The following EDEM3 variants were observed in gnomAD, a reference collection of about 807,000 sequenced individuals.
EDEM3 encodes ER degradation-enhancing alpha-mannosidase-like protein 3.
EDEM3 carries 60 observed loss-of-function variants against 110.2 expected under a neutral mutation model. That is an observed-to-expected ratio of 0.54 (90% CI 0.44 to 0.67). EDEM3 has a LOEUF of 0.67. Ranked by LOEUF, EDEM3 falls within the 30% of genes least tolerant of loss-of-function variation. The pLI is 0.00. For missense variants in EDEM3, 996 were observed against 1,121.0 expected (o/e 0.89, Z 1.59); for synonymous variants, 352 against 382.9 (o/e 0.92, Z 0.94).
Position 184,719,975 on chromosome 1 carries a change from G to A in EDEM3, c.952-407C>T, listed in dbSNP as rs141492126. 2.4e-3 allele frequency among the ~76,000 whole-genome samples: 366 copies of A among 152,220 alleles called. 3 individuals are homozygous for A. The highest frequency in any genetic ancestry group is 8.6e-3 in the African/African-American group (358 of 41,528). Reference sequence around the variant, plus strand: ...TATCTTGGAAGTTTGATCCCTTCTCGGCTAACAATATTTTGGTGCTCACTA... The same window carrying A: ...TATCTTGGAAGTTTGATCCCTTCTCAGCTAACAATATTTTGGTGCTCACTA... On this transcript the variant is annotated intron_variant, in intron 9 of 19. Transcript: ENST00000318130.
intron 19 of EDEM3, chr1:184,701,585 C>A: frequency 1.6e-6 from 2 of 1,227,648 alleles, no homozygotes; most frequent in African/African-American, 1.6e-5. Flanking sequence ...GGAAAAAAAG[C>A]AAATGCATTA....
In EDEM3 at chr1:184,726,239, A is replaced by G. The variant is rs1305362555; in HGVS notation, c.747+16T>C. 6.2e-7 allele frequency: 1 copy of G among 1,612,150 alleles called. No individual in the cohort carries two copies. The highest frequency in any genetic ancestry group is 1.1e-5 in the South Asian group (1 of 90,762). On this transcript the variant is annotated intron_variant, in intron 7 of 19. Transcript: ENST00000318130. ...ATGCCCAATACCCAGGATATCAAAG[A>G]CCGTAAAAAGCAAACCTCAAATATT...
Position 184,719,180 on chromosome 1 carries a change from T to C in EDEM3, c.1143A>G (p.Lys381=). 6.4e-7 allele frequency: 1 copy of C among 1,569,884 alleles called. No homozygotes were observed. The highest frequency in any genetic ancestry group is 8.6e-7 in the Non-Finnish European group (1 of 1,162,838). Residue 381 remains lysine, a synonymous_variant, in exon 11 of 20, where the codon AAA becomes AAG. Coordinates refer to ENST00000318130, the MANE Select transcript of EDEM3 (RefSeq NM_025191.4). ...THEMLYQVIK[K]HNFLPEAFTT... is the part of the protein sequence containing the mutation. Reference sequence around the variant, plus strand: ...TGCTTACCTCTGGTAGAAAATTGTGTTTTTTAATCACCTGATATAACATTT... The same window carrying C: ...TGCTTACCTCTGGTAGAAAATTGTGCTTTTTAATCACCTGATATAACATTT...
At position 184,726,248 on chromosome 1, in the gene EDEM3, A is replaced by G; in HGVS notation, c.747+7T>C. ...ACCCAGGATATCAAAGACCGTAAAA[A>G]GCAAACCTCAAATATTGTTGCTCCT... On this transcript the variant is annotated splice_region_variant and intron_variant, in intron 7 of 19. Transcript: ENST00000318130. 6.2e-7 allele frequency: 1 copy of G among 1,612,890 alleles called. No individual in the cohort carries two copies. Among genetic ancestry groups the G allele is most frequent in the Non-Finnish European group, 8.5e-7 (1 of 1,179,262 alleles).
In EDEM3 at chr1:184,694,248, C is replaced by A. The variant is rs267598231; in HGVS notation, c.2614G>T (p.Glu872Ter). 5 of 1,613,216 alleles carry A rather than the reference C, an allele frequency of 3.1e-6. No homozygotes were observed. In the Admixed American group the frequency reaches 6.7e-5, roughly 22 times the overall value. Residue 872 changes from glutamate to a stop codon, truncating the protein, a stop_gained, in exon 20 of 20, where the codon GAG becomes TAG. Transcript: ENST00000318130. LOFTEE classifies it high-confidence loss of function. Reference protein sequence around the residue: ...EQTSNPTENHETTNLNGECTD... With the variant: ...EQTSNPTENH ...CATTCACCATTAAGATTTGTAGTCTCATGGTTTTCTGTGGGATTAGAAGTC... is the reference window on the plus strand; with the variant it reads ...CATTCACCATTAAGATTTGTAGTCTAATGGTTTTCTGTGGGATTAGAAGTC...
At position 184,726,369 on chromosome 1, in the gene EDEM3, G is replaced by A. The variant is rs1167666612; in HGVS notation, c.633C>T (p.Ile211=). The part of the protein sequence containing the change: ...PYPRINLKFG[I]RKPEARTGTE... ...TTCCTGTCCGAGCTTCTGGTTTTCT[G>A]ATGCCAAACTTTAAATTAATCTGAA... is the stretch of plus-strand genomic sequence containing the variant. The change falls in exon 7 of 20, where the codon ATC becomes ATT. Residue 211 remains isoleucine (I), a synonymous_variant. Transcript: ENST00000318130. 6.2e-7 allele frequency: 1 copy of A among 1,613,250 alleles called. No homozygotes were observed. Among genetic ancestry groups the A allele is most frequent in the Non-Finnish European group, 8.5e-7 (1 of 1,179,508 alleles).
intron 1 of EDEM3, among the ~76,000 whole-genome samples, chr1:184,750,457 C>G (rs1474480117): frequency 6.6e-6 from 1 of 151,918 alleles, no homozygotes; most frequent in African/African-American, 2.4e-5. Context: ...ATTGTATGAC[C>G]AGACAAGGCC....
intron 19 of EDEM3, among the ~76,000 whole-genome samples, chr1:184,701,791 C>G (rs1045064007): frequency 5.3e-5 from 8 of 152,116 alleles, no homozygotes; most frequent in African/African-American, 1.9e-4. Context: ...CTTGCTCACT[C>G]CATTGCTCAT....
At chr1:184,694,615 T>G in intron 19 of EDEM3, 143 bp from the exon 20 acceptor site, 1 of 769,388 alleles carries the variant, frequency 1.3e-6, no homozygotes, top group Non-Finnish European at 2.0e-6. Flanking sequence ...GCATCAGCAC[T>G]GAAATGAAGA....
In EDEM3 at chr1:184,712,446, G is replaced by T; in HGVS notation, c.1523C>A (p.Ser508Tyr). Residue 508 changes from serine (S) to tyrosine (Y), a missense_variant, in exon 14 of 20, where the codon TCT (serine) becomes TAT (tyrosine). This residue lies in a region of EDEM3 where 138 missense variants were observed against 124.3 expected (regional missense o/e 1.11). Coordinates refer to ENST00000318130, the MANE Select transcript of EDEM3 (RefSeq NM_025191.4). ...TTAAAAACTCACTGTGTTCTTTTTA[G>T]AGATGCTTTGATTTGTAGTAGAGAG... ...LWLSTTNQSI[S>Y]KKNTTSEYTE... 1 of 1,590,966 alleles carries T rather than the reference G, an allele frequency of 6.3e-7. No individual in the cohort carries two copies. The highest frequency in any genetic ancestry group is 8.5e-7 in the Non-Finnish European group (1 of 1,173,918).
intron 13 of EDEM3, among the ~76,000 whole-genome samples, chr1:184,715,247 C>T (rs1327071035): frequency 2.0e-5 from 3 of 152,014 alleles, no homozygotes; most frequent in African/African-American, 7.2e-5. Context: ...GTAAGAGGTC[C>T]AGAAACAATG....
Position 184,708,136 on chromosome 1 carries a change from A to G in EDEM3, c.2037+17T>C. 1 of 1,581,082 alleles carries G rather than the reference A, an allele frequency of 6.3e-7. No individual in the cohort carries two copies. The highest frequency in any genetic ancestry group is 1.2e-5 in the South Asian group (1 of 85,714). On this transcript the variant is annotated intron_variant, in intron 17 of 19. Coordinates refer to ENST00000318130, the MANE Select transcript of EDEM3 (RefSeq NM_025191.4). ...TTTTAAATTCAGTTTCAACAACTAT[A>G]TTTTAAGTATACATACCTCTTTATG...
chr1:184,716,180 C>T (rs1650534357), intron 13 of EDEM3, among the ~76,000 whole-genome samples: 1 of 152,136 alleles, frequency 6.6e-6, no homozygotes, highest in Non-Finnish European at 1.5e-5. Flanking sequence ...ACAGAAAGGA[C>T]TTATCTTCAT....
At chr1:184,738,629 A>G (rs1055022324) in intron 2 of EDEM3, among the ~76,000 whole-genome samples, 3 of 152,228 alleles carry the variant, frequency 2.0e-5, no homozygotes, top group African/African-American at 7.2e-5. Context: ...ACTCAATTAC[A>G]TTCTCACTAA....
intron 1 of EDEM3, among the ~76,000 whole-genome samples, chr1:184,753,626 C>T (rs1652901785): frequency 1.3e-5 from 2 of 152,036 alleles, no homozygotes; most frequent in Non-Finnish European, 1.5e-5. Flanking sequence ...TAACCAGAAC[C>T]GTATCCTTGT....
At chr1:184,728,978 A>C (rs1651346285) in intron 6 of EDEM3, among the ~76,000 whole-genome samples, 1 of 152,090 alleles carries the variant, frequency 6.6e-6, no homozygotes, top group South Asian at 2.1e-4. Flanking sequence ...CATTTCCACA[A>C]ATCAGGGAAG....
chr1:184,693,953 A>C lies in EDEM3; in HGVS notation c.*110T>G. On this transcript the variant is annotated 3_prime_UTR_variant, in exon 20 of 20. Coordinates refer to ENST00000318130, the MANE Select transcript of EDEM3 (RefSeq NM_025191.4). Reference sequence around the variant, plus strand: ...GCCAGTCAGAACGTGGTTGTTCATCACCATACTTAAAGCCTCCCATTAGAA... The same window carrying C: ...GCCAGTCAGAACGTGGTTGTTCATCCCCATACTTAAAGCCTCCCATTAGAA... The C allele has an allele frequency of 8.6e-7, 1 of 1,157,996 alleles. No homozygotes were observed. Among genetic ancestry groups the C allele is most frequent in the Non-Finnish European group, 1.2e-6 (1 of 822,926 alleles). The allele number at this position is 1,157,996 out of a possible 1,614,324, so 71.7% of individuals were successfully genotyped here.
intron 19 of EDEM3, among the ~76,000 whole-genome samples, chr1:184,700,752 G>A (rs2102059207): frequency 6.6e-6 from 1 of 152,112 alleles, no homozygotes; most frequent in East Asian, 1.9e-4. Flanking sequence ...GCTACAGACT[G>A]TGTAGCTTCT....
At chr1:184,736,916 T>C in intron 4 of EDEM3, 109 bp downstream of exon 4, 1 of 865,646 alleles carries the variant, frequency 1.2e-6, no homozygotes, top group Non-Finnish European at 1.9e-6. Context: ...GATCAGAACA[T>C]CTTTAATTCT....
Sources: allele counts gnomAD v4.1 joint callset (sites outside exome capture counted in the v4.1 genomes callset), GRCh38; gene constraint gnomAD v4.1.1; regional missense constraint gnomAD v4.1.1; transcripts MANE v1.5; gene names NCBI Gene and HGNC (gene_info 2026-07-23, HGNC 2026-07-21).